Variants in SLC30A7 observed in about 807,000 individuals in gnomAD.
SLC30A7 encodes zinc transporter 7.
Under a neutral mutation model 46.0 loss-of-function variants are expected in SLC30A7, and 35 were observed. That is an observed-to-expected ratio of 0.76 (90% CI 0.58 to 1.01). The LOEUF (loss-of-function observed/expected upper bound fraction) is 1.01. Ranked by LOEUF, SLC30A7 falls within the 50% of genes least tolerant of loss-of-function variation. SLC30A7 has a pLI of 0.00. For synonymous variants in SLC30A7, 147 were observed against 157.8 expected, an observed-to-expected ratio of 0.93 and a Z score of 0.51; for missense variants, 464 against 451.1, an observed-to-expected ratio of 1.03 and a Z score of -0.26.
At chr1:100,929,956 A>C (rs1481666248) in intron 8 of SLC30A7, among the ~76,000 whole-genome samples, 1 of 152,100 alleles carries the variant, frequency 6.6e-6, no homozygotes, top group African/African-American at 2.4e-5. Flanking sequence ...TAGAATGCAG[A>C]AATCTGAACA....
intron 6 of SLC30A7, among the ~76,000 whole-genome samples, chr1:100,914,798 A>G (rs1652371295): frequency 6.6e-6 from 1 of 152,082 alleles, no homozygotes; most frequent in Non-Finnish European, 1.5e-5. Context: ...GAGCCTTCTA[A>G]GCCCTTCATT....
intron 7 of SLC30A7, among the ~76,000 whole-genome samples, chr1:100,918,844 C>T (rs1652762731): frequency 6.6e-6 from 1 of 152,020 alleles, no homozygotes; most frequent in Non-Finnish European, 1.5e-5. Context: ...GCTGTTGCTG[C>T]CCAGCATCAT....
chr1:100,949,453 G>T (rs1654837092), intron 8 of SLC30A7, among the ~76,000 whole-genome samples: 1 of 152,192 alleles, frequency 6.6e-6, no homozygotes, highest in African/African-American at 2.4e-5. Context: ...CTCCCAGTTA[G>T]GCTTCATGGG....
intron 8 of SLC30A7, among the ~76,000 whole-genome samples, chr1:100,924,943 G>A (rs1368942964): frequency 1.3e-5 from 2 of 152,126 alleles, no homozygotes; most frequent in African/African-American, 2.4e-5. Context: ...CTACTTAATC[G>A]TAGATAAGAT....
intron 8 of SLC30A7, among the ~76,000 whole-genome samples, chr1:100,929,093 A>AGTGTGT (rs71084856): frequency 4.3e-4 from 64 of 149,292 alleles, no homozygotes; most frequent in African/African-American, 4.7e-4. Context: ...ATATATAGAG[A>AGTGTGT]GTGTGTGTGT....
intron 8 of SLC30A7, among the ~76,000 whole-genome samples, chr1:100,947,856 A>C (rs1162053825): frequency 6.6e-6 from 1 of 152,132 alleles, no homozygotes; most frequent in Non-Finnish European, 1.5e-5. Flanking sequence ...TTTATCAGAG[A>C]CTAGGATTGC....
At chr1:100,968,522 G>A (rs1016145921) in intron 10 of SLC30A7, among the ~76,000 whole-genome samples, 2 of 151,774 alleles carry the variant, frequency 1.3e-5, no homozygotes, top group Admixed American at 1.3e-4. Context: ...CCTTGGTGGC[G>A]CCTCATTGCC....
chr1:100,963,768 A>C lies in SLC30A7; in HGVS notation c.933+1850A>C, dbSNP rs564041493. ...AATTTCCATTCATTTAAATAGTCACATATGTCTAGTGACTTTTGAATTGCA... is the reference window on the plus strand; with the variant it reads ...AATTTCCATTCATTTAAATAGTCACCTATGTCTAGTGACTTTTGAATTGCA... On this transcript the variant is annotated intron_variant, in intron 9 of 10. Coordinates refer to ENST00000357650, the MANE Select transcript of SLC30A7 (RefSeq NM_133496.5). 2.0e-5 allele frequency among the ~76,000 whole-genome samples: 3 copies of C among 152,304 alleles called. No individual in the cohort carries two copies. The East Asian group carries it at 5.8e-4, about 29-fold the overall frequency.
At chr1:100,940,806 C>G (rs1413071711) in intron 8 of SLC30A7, among the ~76,000 whole-genome samples, 2 of 152,178 alleles carry the variant, frequency 1.3e-5, no homozygotes, top group Non-Finnish European at 2.9e-5. Flanking sequence ...CTAAGATAAC[C>G]TGTTATTAAT....
intron 8 of SLC30A7, among the ~76,000 whole-genome samples, chr1:100,948,368 C>T (rs1354905044): frequency 2.6e-5 from 4 of 152,136 alleles, no homozygotes; most frequent in Admixed American, 2.0e-4. Flanking sequence ...TAAATATTGG[C>T]CCCCACTCTC....
chr1:100,941,586 A>G, intron 8 of SLC30A7: 1 of 578,164 alleles, frequency 1.7e-6, no homozygotes, highest in South Asian at 1.4e-5. Context: ...TACTGTTTAA[A>G]ATAATCTCTT....
chr1:100,901,602 G>T (rs900023591), intron 2 of SLC30A7, among the ~76,000 whole-genome samples: 12 of 151,908 alleles, frequency 7.9e-5, no homozygotes, highest in South Asian at 4.2e-4. Flanking sequence ...GTACAGCCAC[G>T]CCTGGCTAAT....
chr1:100,982,515 T>C (rs1328305008), downstream of SLC30A7, among the ~76,000 whole-genome samples: 1 of 152,238 alleles, frequency 6.6e-6, no homozygotes, highest in Admixed American at 6.5e-5. Context: ...GAATTCTTCA[T>C]AGAATTCTTA....
intron 8 of SLC30A7, among the ~76,000 whole-genome samples, chr1:100,923,564 G>A (rs1030366438): frequency 6.6e-6 from 1 of 152,118 alleles, no homozygotes; most frequent in African/African-American, 2.4e-5. Context: ...GATTGTTTGA[G>A]GCCAGGAGTA....
chr1:100,930,564 T>C (rs1470926626), intron 8 of SLC30A7, among the ~76,000 whole-genome samples: 1 of 151,576 alleles, frequency 6.6e-6, no homozygotes, highest in African/African-American at 2.4e-5. Context: ...TTGTGGCCTG[T>C]ATTAAGCAAA....
intron 8 of SLC30A7, among the ~76,000 whole-genome samples, chr1:100,936,134 A>G (rs1249404476): frequency 6.6e-6 from 1 of 150,722 alleles, no homozygotes; most frequent in East Asian, 2.0e-4. Flanking sequence ...AGTTTACCAT[A>G]GTAGTATTTT....
chr1:100,984,257 G>C (rs767173126), downstream of SLC30A7, among the ~76,000 whole-genome samples: 6 of 152,164 alleles, frequency 3.9e-5, no homozygotes, highest in Non-Finnish European at 8.8e-5. Flanking sequence ...CCACCACATG[G>C]AGCAGAATGC....
chr1:100,975,331 G>T lies in SLC30A7; in HGVS notation c.*474G>T, dbSNP rs1475351101. 6.5e-6 allele frequency: 1 copy of T among 152,716 alleles called. No individual in the cohort carries two copies. The highest frequency in any genetic ancestry group is 6.6e-5 in the Admixed American group (1 of 15,258). 9.5% of individuals were successfully genotyped at this position (152,716 alleles called of 1,614,324 possible). On this transcript the variant is annotated 3_prime_UTR_variant, in exon 11 of 11. Coordinates refer to ENST00000357650, the MANE Select transcript of SLC30A7 (RefSeq NM_133496.5). ...CCAGTATTACTTTTTTTTAAAAAAA[G>T]AAAGAAATTGGAAATCTGTGCTATA...
intron 8 of SLC30A7, among the ~76,000 whole-genome samples, chr1:100,926,925 A>T (rs187764588): frequency 6.6e-6 from 1 of 152,332 alleles, no homozygotes; most frequent in East Asian, 1.9e-4. Context: ...GCATAGGGTA[A>T]TATTGGAGCA....
Sources: gnomAD v4.1 joint callset for allele counts (sites outside exome capture counted in the v4.1 genomes callset) on GRCh38, gnomAD v4.1.1 for gene constraint, MANE v1.5 for transcripts, NCBI Gene and HGNC (gene_info 2026-07-23, HGNC 2026-07-21) for gene names.